ELF2: variants seen among roughly 807,000 people sequenced by gnomAD.
ELF2 encodes ETS-related transcription factor Elf-2.
In ELF2, 11 loss-of-function variants were observed where a neutral mutation model predicts 54.8. That is an observed-to-expected ratio of 0.20 (90% CI 0.13 to 0.33). ELF2 has a LOEUF of 0.33. Ranked by LOEUF, ELF2 falls within the 10% of genes least tolerant of loss-of-function variation. The probability of loss-of-function intolerance (pLI) is 1.00; values close to 1 mark genes in which losing one functional copy is unlikely to be tolerated. For synonymous variants in ELF2, 203 were observed against 245.1 expected, an observed-to-expected ratio of 0.83 and a Z score of 1.61; for missense variants, 513 against 703.0, an observed-to-expected ratio of 0.73 and a Z score of 3.06.
In ELF2 at chr4:139,060,354, G is replaced by A; in HGVS notation, c.1127C>T (p.Thr376Ile). The change falls in exon 9 of 10, where the codon ACT becomes ATT. Residue 376 changes from threonine (T) to isoleucine (I), a missense_variant. This residue lies in a region of ELF2 where 291 missense variants were observed against 366.1 expected (regional missense o/e 0.79). Coordinates refer to ENST00000686138, the MANE Select transcript of ELF2 (RefSeq NM_001331036.3). The part of the protein sequence containing the change: ...HDASSRSPTT[T>I]ASVSATAAPR... Reference sequence around the variant, plus strand: ...AGCTGCTGTTGCTGACACAGATGCAGTGGTAGTAGGAGACCTGGATGAAGC... The same window carrying A: ...AGCTGCTGTTGCTGACACAGATGCAATGGTAGTAGGAGACCTGGATGAAGC... The A allele has an allele frequency of 1.9e-6, 3 of 1,611,630 alleles. No homozygotes were observed. The highest frequency in any genetic ancestry group is 1.7e-6 in the Non-Finnish European group (2 of 1,178,974).
chr4:139,076,703 A>G (rs1730361073), intron 4 of ELF2, among the ~76,000 whole-genome samples: 1 of 152,150 alleles, frequency 6.6e-6, no homozygotes, highest in Admixed American at 6.6e-5. Flanking sequence ...ACAAAATGAA[A>G]TTTGCCTAAC....
chr4:139,128,690 T>C (rs143822851), intron 3 of ELF2, among the ~76,000 whole-genome samples: 4 of 151,426 alleles, frequency 2.6e-5, no homozygotes, highest in East Asian at 3.9e-4. Flanking sequence ...CCCAGCTAAT[T>C]TGTGTATTTT....
upstream of ELF2, among the ~76,000 whole-genome samples, chr4:139,177,728 C>G (rs1462360899): frequency 6.6e-6 from 1 of 151,600 alleles, no homozygotes; most frequent in African/African-American, 2.4e-5. Flanking sequence ...ACCGCACGCA[C>G]ACACCCTCGC....
At chr4:139,129,409 A>G (rs1345911516) in intron 3 of ELF2, among the ~76,000 whole-genome samples, 1 of 152,210 alleles carries the variant, frequency 6.6e-6, no homozygotes, top group Non-Finnish European at 1.5e-5. Flanking sequence ...CTATGCTGAT[A>G]ATGACTAAGT....
chr4:139,137,405 C>T, intron 3 of ELF2: 1 of 580,664 alleles, frequency 1.7e-6, no homozygotes, highest in Non-Finnish European at 3.0e-6. Context: ...TTTCCTCCCT[C>T]CAAGTTCATT....
intron 1 of ELF2, among the ~76,000 whole-genome samples, chr4:139,154,796 G>C (rs1291746814): frequency 6.6e-6 from 1 of 152,182 alleles, no homozygotes; most frequent in Non-Finnish European, 1.5e-5. Context: ...TAAAAATGCA[G>C]ATTCGCTGAG....
intron 7 of ELF2, among the ~76,000 whole-genome samples, chr4:139,062,684 C>T (rs539560097): frequency 1.4e-4 from 22 of 152,278 alleles, no homozygotes; most frequent in African/African-American, 4.3e-4. Flanking sequence ...AATTTATTTA[C>T]ACCTTTATCA....
intron 4 of ELF2, among the ~76,000 whole-genome samples, chr4:139,075,982 A>G (rs984182797): frequency 2.0e-5 from 3 of 152,180 alleles, no homozygotes; most frequent in African/African-American, 7.2e-5. Flanking sequence ...TCATATTACA[A>G]ATTCATAAGC....
At chr4:139,136,268 T>C (rs1738142778) in intron 3 of ELF2, among the ~76,000 whole-genome samples, 1 of 152,192 alleles carries the variant, frequency 6.6e-6, no homozygotes, top group Non-Finnish European at 1.5e-5. Flanking sequence ...TAATGGACTT[T>C]GTACCTGTTT....
In ELF2 at chr4:139,173,896, T is replaced by A. The variant is rs111542730; in HGVS notation, c.-252+3071A>T. On this transcript the variant is annotated intron_variant, in intron 1 of 9. Coordinates refer to ENST00000686138, the MANE Select transcript of ELF2 (RefSeq NM_001331036.3). ...CAAGCCCAGGAGTTCAAGACTACCC[T>A]GGGTAATATGGTGAAACCCCATCTC... Among the ~76,000 whole-genome samples, 406 of 151,468 alleles carry A rather than the reference T, an allele frequency of 2.7e-3. 2 individuals are homozygous for A. The highest frequency in any genetic ancestry group is 0.01 in the Middle Eastern group (3 of 294).
chr4:139,130,860 A>C (rs1024921280), intron 3 of ELF2, among the ~76,000 whole-genome samples: 6 of 152,212 alleles, frequency 3.9e-5, no homozygotes, highest in African/African-American at 1.4e-4. Flanking sequence ...TCATCTATGG[A>C]GGCAAGTAAC....
intron 4 of ELF2, among the ~76,000 whole-genome samples, chr4:139,103,811 T>C (rs1734153676): frequency 6.6e-6 from 1 of 152,252 alleles, no homozygotes; most frequent in Non-Finnish European, 1.5e-5. Context: ...GGTAATCAGA[T>C]GTCCCAGAGG....
In ELF2 at chr4:139,069,848, A is replaced by ATT. The variant is rs72007760; in HGVS notation, c.526+2016_526+2017dup. Reference sequence around the variant, plus strand: ...AAGTACAGACAGAATGGTTACATGTATTTTTTTTTTTTCTTTGAGACAGGG... The same window carrying ATT: ...AAGTACAGACAGAATGGTTACATGTATTTTTTTTTTTTTTCTTTGAGACAGGG... On this transcript the variant is annotated intron_variant, in intron 6 of 9. Coordinates refer to ENST00000686138, the MANE Select transcript of ELF2 (RefSeq NM_001331036.3). Among the ~76,000 whole-genome samples the ATT allele has an allele frequency of 1.8e-4, 27 of 147,662 alleles. No individual in the cohort carries two copies. The East Asian group carries it at 2.0e-3, about 11-fold the overall frequency.
intron 4 of ELF2, among the ~76,000 whole-genome samples, chr4:139,087,663 G>C (rs1469746272): frequency 6.6e-6 from 1 of 151,976 alleles, no homozygotes; most frequent in African/African-American, 2.4e-5. Context: ...GATGGGGTTT[G>C]ACCGTGTTAG....
intron 4 of ELF2, among the ~76,000 whole-genome samples, chr4:139,120,017 G>A (rs899377540): frequency 2.4e-4 from 37 of 151,994 alleles, no homozygotes; most frequent in African/African-American, 8.5e-4. Flanking sequence ...TAAGTGATCC[G>A]CCTGCCTTGG....
intron 4 of ELF2, among the ~76,000 whole-genome samples, chr4:139,124,491 C>A (rs1316165245): frequency 6.6e-6 from 1 of 152,110 alleles, no homozygotes; most frequent in Non-Finnish European, 1.5e-5. Context: ...TCTCCATTAA[C>A]AGCTAAAGAT....
chr4:139,061,189 T>C (rs1727795430), intron 8 of ELF2, among the ~76,000 whole-genome samples: 1 of 151,358 alleles, frequency 6.6e-6, no homozygotes, highest in Non-Finnish European at 1.5e-5. Flanking sequence ...TTTTTTTTTT[T>C]TTTTTTTGAG....
intron 4 of ELF2, chr4:139,101,451 C>T (rs982707050): frequency 3.3e-5 from 5 of 152,188 alleles, no homozygotes; most frequent in Non-Finnish European, 5.9e-5. Flanking sequence ...TTTTGGAGTT[C>T]TGTTTTCCCT....
chr4:139,079,488 G>A (rs904360795), intron 4 of ELF2, among the ~76,000 whole-genome samples: 5 of 152,118 alleles, frequency 3.3e-5, no homozygotes, highest in Non-Finnish European at 5.9e-5. Context: ...CCCAGAATCC[G>A]GGTCAGAGAG....
Sources: allele counts gnomAD v4.1 joint callset (sites outside exome capture counted in the v4.1 genomes callset), GRCh38; gene constraint gnomAD v4.1.1; regional missense constraint gnomAD v4.1.1; transcripts MANE v1.5; gene names NCBI Gene and HGNC (gene_info 2026-07-23, HGNC 2026-07-21).